Variants in CORIN observed in about 807,000 individuals in gnomAD.
CORIN encodes corin, serine peptidase, also known as atrial natriuretic peptide-converting enzyme.
In CORIN, 117 loss-of-function variants were observed where a neutral mutation model predicts 125.3. The ratio of observed to expected loss-of-function variants is 0.93; its 90% confidence interval spans 0.80 to 1.09. The LOEUF (loss-of-function observed/expected upper bound fraction) is 1.09. Among genes scored for constraint, CORIN ranks in the 50% least tolerant of loss-of-function variants. The pLI is 0.00. For synonymous variants in CORIN, 450 were observed against 466.4 expected, an observed-to-expected ratio of 0.96 and a Z score of 0.45; for missense variants, 1,253 against 1,306.7, an observed-to-expected ratio of 0.96 and a Z score of 0.63.
intron 13 of CORIN, among the ~76,000 whole-genome samples, chr4:47,645,450 C>CA (rs371256567): frequency 0.13 from 12,683 of 99,182 alleles, 598 homozygotes; most frequent in African/African-American, 0.19. Flanking sequence ...GACTTTGTCT[C>CA]AAAAAAAAAA....
chr4:47,650,705 G>T (rs938316955), intron 13 of CORIN, among the ~76,000 whole-genome samples: 1 of 152,158 alleles, frequency 6.6e-6, no homozygotes, highest in Admixed American at 6.5e-5. Context: ...TTATCAAGTT[G>T]CTAGTTTTAC....
intron 3 of CORIN, among the ~76,000 whole-genome samples, chr4:47,780,889 AAT>A (rs1022296595): frequency 1.3e-5 from 2 of 151,636 alleles, no homozygotes; most frequent in Non-Finnish European, 2.9e-5. Context: ...ATAGCTATCG[AAT>A]ATATATATAT....
intron 3 of CORIN, 90 bp downstream of exon 3, chr4:47,786,635 T>G: frequency 1.3e-5 from 12 of 938,196 alleles, no homozygotes; most frequent in Admixed American, 2.2e-5. Flanking sequence ...GACCGGCAAG[T>G]GATTGTGAAC....
chr4:47,613,909 G>A (rs1170849040), intron 19 of CORIN, among the ~76,000 whole-genome samples: 4 of 151,592 alleles, frequency 2.6e-5, no homozygotes, highest in South Asian at 2.1e-4. Context: ...GTACACGTAC[G>A]TAACTAACCT....
intron 5 of CORIN, among the ~76,000 whole-genome samples, chr4:47,697,739 T>C (rs1308962999): frequency 6.6e-6 from 1 of 150,764 alleles, no homozygotes; most frequent in Non-Finnish European, 1.5e-5. Flanking sequence ...AAAATAAAAA[T>C]GAAAATAAAA....
chr4:47,609,125 A>T (rs190860965), intron 19 of CORIN, among the ~76,000 whole-genome samples: 1 of 152,346 alleles, frequency 6.6e-6, no homozygotes, highest in East Asian at 1.9e-4. Flanking sequence ...TCTGAAGGTT[A>T]CCAAATCTGC....
intron 5 of CORIN, among the ~76,000 whole-genome samples, chr4:47,735,721 C>T (rs959497066): frequency 2.0e-5 from 3 of 151,966 alleles, no homozygotes; most frequent in African/African-American, 4.8e-5. Context: ...GAGATCAAGA[C>T]CACCCTGGCT....
intron 12 of CORIN, among the ~76,000 whole-genome samples, chr4:47,656,415 C>T (rs997395817): frequency 2.0e-5 from 3 of 152,146 alleles, no homozygotes; most frequent in Non-Finnish European, 4.4e-5. Flanking sequence ...CTCAGCCTCC[C>T]AAAGTCCTGG....
chr4:47,630,413 C>G (rs1577757665), intron 16 of CORIN, among the ~76,000 whole-genome samples: 1 of 152,076 alleles, frequency 6.6e-6, no homozygotes, highest in Non-Finnish European at 1.5e-5. Context: ...TAATTGAAAC[C>G]GTTTTGTATT....
chr4:47,816,512 C>A (rs982152111), intron 1 of CORIN, among the ~76,000 whole-genome samples: 4 of 152,124 alleles, frequency 2.6e-5, no homozygotes, highest in Non-Finnish European at 5.9e-5. Flanking sequence ...GAGTTAACAG[C>A]CTACCTCCAA....
intron 10 of CORIN, among the ~76,000 whole-genome samples, chr4:47,669,945 T>A (rs536876266): frequency 2.0e-5 from 3 of 152,356 alleles, no homozygotes; most frequent in African/African-American, 7.2e-5. Flanking sequence ...TTGAAACTTG[T>A]CCTGTCTTTT....
intron 4 of CORIN, among the ~76,000 whole-genome samples, chr4:47,757,208 T>A (rs1729188453): frequency 6.6e-6 from 1 of 152,208 alleles, no homozygotes; most frequent in Non-Finnish European, 1.5e-5. Flanking sequence ...GAACTCACTT[T>A]GCTTATTAAA....
chr4:47,646,649 C>T (rs1208379934), intron 13 of CORIN, among the ~76,000 whole-genome samples: 4 of 152,178 alleles, frequency 2.6e-5, no homozygotes, highest in African/African-American at 9.7e-5. Context: ...GTACCTTCCA[C>T]CCCCTTGGCT....
intron 2 of CORIN, among the ~76,000 whole-genome samples, chr4:47,799,275 T>G (rs1392476121): frequency 6.6e-6 from 1 of 152,106 alleles, no homozygotes; most frequent in African/African-American, 2.4e-5. Flanking sequence ...GAATGATTTA[T>G]TTTCTTTTGG....
chr4:47,705,520 C>T (rs1726510944), intron 5 of CORIN, among the ~76,000 whole-genome samples: 1 of 152,118 alleles, frequency 6.6e-6, no homozygotes, highest in Admixed American at 6.5e-5. Flanking sequence ...ATTCTGGCCA[C>T]AATACACCAA....
chr4:47,786,879 C>A lies in CORIN; in HGVS notation c.255G>T (p.Leu85Phe). Residue 85 changes from leucine to phenylalanine, a missense_variant, in exon 3 of 22, where the codon TTG (leucine) becomes TTT (phenylalanine). Transcript: ENST00000273857. ...VYFKSNGSEP[L>F]VTDGEIQGSD... ...ACCCTTGGATTTCACCATCAGTGAC[C>A]AAAGGTTCACTCCCATTTGATTTAA... 1 of 1,613,604 alleles carries A rather than the reference C, an allele frequency of 6.2e-7. No individual in the cohort carries two copies. Among genetic ancestry groups the A allele is most frequent in the Non-Finnish European group, 8.5e-7 (1 of 1,179,654 alleles).
intron 19 of CORIN, 73 bp from the exon 20 acceptor site, chr4:47,603,741 A>C: frequency 2.0e-6 from 3 of 1,508,752 alleles, no homozygotes; most frequent in Non-Finnish European, 2.7e-6. Flanking sequence ...TGTAATTTTA[A>C]AACATTTTAT....
rs536519878 is a variant in CORIN, at chr4:47,719,123, A to T, written c.799+25279T>A. On this transcript the variant is annotated intron_variant, in intron 5 of 21. Coordinates refer to ENST00000273857, the MANE Select transcript of CORIN (RefSeq NM_006587.4). ...AACCAACTGATATGCCAGGAAATTT[A>T]CATCTCCAAATTATTCTTTATCATA... is the stretch of plus-strand genomic sequence containing the variant. Among the ~76,000 whole-genome samples the T allele has an allele frequency of 8.5e-5, 13 of 152,338 alleles. No individual in the cohort carries two copies. The East Asian group carries it at 2.1e-3, about 25-fold the overall frequency.
At chr4:47,766,226 A>C (rs1230847345) in intron 3 of CORIN, among the ~76,000 whole-genome samples, 2 of 152,184 alleles carry the variant, frequency 1.3e-5, no homozygotes, top group African/African-American at 4.8e-5. Context: ...ACATTGCTTT[A>C]AGCAGAACAA....
Sources: allele counts gnomAD v4.1 joint callset (sites outside exome capture counted in the v4.1 genomes callset), GRCh38; gene constraint gnomAD v4.1.1; transcripts MANE v1.5; gene names NCBI Gene and HGNC (gene_info 2026-07-23, HGNC 2026-07-21).